LRIT3: variants seen among roughly 807,000 people sequenced by gnomAD.
LRIT3 encodes the protein leucine-rich repeat, immunoglobulin-like domain and transmembrane domain-containing protein 3.
In LRIT3, 14 loss-of-function variants were observed where a neutral mutation model predicts 22.6. The ratio of observed to expected loss-of-function variants is 0.62; its 90% CI spans 0.41 to 0.97. The LOEUF is 0.97. Among genes scored for constraint, LRIT3 ranks in the 50% least tolerant of loss-of-function variants. The pLI is 0.00. For missense variants in LRIT3, 783 were observed against 803.0 expected, an observed-to-expected ratio of 0.98 and a Z score of 0.30; for synonymous variants, 306 against 304.5, an observed-to-expected ratio of 1.01 and a Z score of -0.05.
At position 109,851,718 on chromosome 4, in the gene LRIT3, C is replaced by T. The variant is rs79039619; in HGVS notation, c.331C>T (p.Arg111Cys). 4.5e-4 allele frequency: 692 copies of T among 1,551,640 alleles called. 2 individuals are homozygous for T. In the African/African-American group the frequency reaches 8.3e-3, roughly 19 times the overall value. The change falls in exon 2 of 4, where the codon CGC becomes TGC. Residue 111 changes from arginine (R) to cysteine (C), a missense_variant. Arg to Cys is a radical substitution (Grantham distance 180). Around this residue, in one of 2 missense-constraint regions of LRIT3, gnomAD observed 756 missense variants for 753.8 expected, o/e 1.00. Transcript: ENST00000594814. ...CAACCTGAAGCAACTGCATGAGTTGCGCTTGGATGGGAATTCTCTGGCTGC... is the reference window on the plus strand; with the variant it reads ...CAACCTGAAGCAACTGCATGAGTTGTGCTTGGATGGGAATTCTCTGGCTGC... ...FYNLKQLHEL[R>C]LDGNSLAAFP...
chr4:109,852,932 G>C (rs1485846535), intron 2 of LRIT3, among the ~76,000 whole-genome samples: 1 of 152,070 alleles, frequency 6.6e-6, no homozygotes, highest in Non-Finnish European at 1.5e-5. Flanking sequence ...GCTTTTTATG[G>C]CTGCATAGTA....
chr4:109,868,550 TTA>T (rs1491461919), intron 3 of LRIT3, among the ~76,000 whole-genome samples: 1,121 of 73,154 alleles, frequency 0.015, 14 homozygotes, highest in African/African-American at 0.044. Context: ...TAAGACTGTC[TTA>T]AAAAAAAAAA....
intron 2 of LRIT3, among the ~76,000 whole-genome samples, chr4:109,863,929 T>C (rs752919623): frequency 6.6e-6 from 1 of 152,148 alleles, no homozygotes; most frequent in South Asian, 2.1e-4. Context: ...CTTTGCCACA[T>C]AGGAAGCAAT....
Position 109,870,191 on chromosome 4 carries a change from C to A in LRIT3, c.1442C>A (p.Thr481Lys). The A allele has an allele frequency of 6.2e-7, 1 of 1,614,180 alleles. No homozygotes were observed. The highest frequency in any genetic ancestry group is 8.5e-7 in the Non-Finnish European group (1 of 1,180,024). The change falls in exon 4 of 4, where the codon ACG becomes AAG. Residue 481 changes from threonine to lysine, a missense_variant. By Grantham distance (78) the Thr-to-Lys change is moderately conservative (BLOSUM62 -1). Around this residue, in one of 2 missense-constraint regions of LRIT3, gnomAD observed 756 missense variants for 753.8 expected, o/e 1.00. Transcript: ENST00000594814. ...GCATTGTTGGATCAAACAATGCTTACGGAGACAAATGCCGCAATAGAAAAC... is the reference window on the plus strand; with the variant it reads ...GCATTGTTGGATCAAACAATGCTTAAGGAGACAAATGCCGCAATAGAAAAC... ...ELALLDQTML[T>K]ETNAAIENLR...
intron 2 of LRIT3, among the ~76,000 whole-genome samples, chr4:109,852,959 T>G (rs1291221654): frequency 6.6e-6 from 1 of 152,248 alleles, no homozygotes; most frequent in African/African-American, 2.4e-5. Flanking sequence ...GGTGTGTACA[T>G]GGCACATTTT....
Position 109,851,504 on chromosome 4 carries a change from G to A in LRIT3, c.117G>A (p.Arg39=), listed in dbSNP as rs370774367. ...CACATTGTTCATGTTGTGACACTAG[G>A]TTGGTGCTATGTAATGACATGGATA... The part of the protein sequence containing the change: ...YHGRNDGSGS[R]LVLCNDMDMN... Residue 39 remains arginine, a splice_region_variant and synonymous_variant, in exon 2 of 4, where the codon AGG becomes AGA. Transcript: ENST00000594814. The A allele has an allele frequency of 2.9e-5, 44 of 1,527,398 alleles. No homozygotes were observed. In the African/African-American group the frequency reaches 4.8e-4, roughly 17 times the overall value. 94.6% of individuals were successfully genotyped at this position (1,527,398 alleles called of 1,614,324 possible).
chr4:109,853,269 G>A (rs112840597), intron 2 of LRIT3, among the ~76,000 whole-genome samples: 3 of 152,068 alleles, frequency 2.0e-5, no homozygotes, highest in South Asian at 2.1e-4. Flanking sequence ...TTTAATGATC[G>A]CCATTCTAAC....
At chr4:109,865,208 T>G (rs1249781328) in intron 2 of LRIT3, 36 of 1,498,530 alleles carry the variant, frequency 2.4e-5, no homozygotes, top group Non-Finnish European at 3.1e-5. Context: ...TCAGCAAGGT[T>G]GCATCACCCA....
intron 2 of LRIT3, among the ~76,000 whole-genome samples, chr4:109,867,382 C>T (rs532384336): frequency 2.4e-4 from 36 of 152,114 alleles, no homozygotes; most frequent in African/African-American, 8.2e-4. Flanking sequence ...CAGGTAAGTG[C>T]TTAGTACATA....
intron 2 of LRIT3, among the ~76,000 whole-genome samples, chr4:109,855,732 A>G (rs1022395314): frequency 6.6e-6 from 1 of 152,150 alleles, no homozygotes; most frequent in Non-Finnish European, 1.5e-5. Context: ...AGATTCTGGT[A>G]TGTTCTGTCT....
intron 2 of LRIT3, among the ~76,000 whole-genome samples, chr4:109,854,796 A>G (rs1422683130): frequency 6.6e-6 from 1 of 152,122 alleles, no homozygotes; most frequent in Non-Finnish European, 1.5e-5. Flanking sequence ...GTTGAATTTT[A>G]TAGAAGGCCT....
chr4:109,857,419 T>C (rs1469463985), intron 2 of LRIT3, among the ~76,000 whole-genome samples: 2 of 152,200 alleles, frequency 1.3e-5, no homozygotes, highest in African/African-American at 4.8e-5. Flanking sequence ...GAAATAGTAG[T>C]GTAAATCAAT....
Position 109,865,249 on chromosome 4 carries a change from A to C in LRIT3, c.590-2392A>C, listed in dbSNP as rs573083690. 1.3e-4 allele frequency: 197 copies of C among 1,571,962 alleles called. 5 individuals carry two copies. In the South Asian group the frequency reaches 1.9e-3, roughly 15 times the overall value. ...CAGAATTAACTAATGGTTGAGCCTC[A>C]TCAGGAACCCAGGCACAGTAAAGTT... is the stretch of plus-strand genomic sequence containing the variant. On this transcript the variant is annotated intron_variant, in intron 2 of 3. Coordinates refer to ENST00000594814, the MANE Select transcript of LRIT3 (RefSeq NM_198506.5).
chr4:109,864,960 A>G (rs957540297), intron 2 of LRIT3, among the ~76,000 whole-genome samples: 2 of 152,214 alleles, frequency 1.3e-5, no homozygotes, highest in African/African-American at 4.8e-5. Context: ...AGATCCACAG[A>G]TTATCTTTAG....
Position 109,860,408 on chromosome 4 carries a change from TGA to T in LRIT3, c.590-7231_590-7230del, listed in dbSNP as rs1242634557. Among the ~76,000 whole-genome samples the T allele has an allele frequency of 3.9e-5, 6 of 152,192 alleles. No homozygotes were observed. In the East Asian group the frequency reaches 1.2e-3, roughly 29 times the overall value. On this transcript the variant is annotated intron_variant, in intron 2 of 3. Coordinates refer to ENST00000594814, the MANE Select transcript of LRIT3 (RefSeq NM_198506.5). ...AGATGTGCCCCACCCTTTTTTGGTTTGAGGAAACAAATCCACATAGGTAAGGT... is the reference window on the plus strand; with the variant it reads ...AGATGTGCCCCACCCTTTTTTGGTTTGGAAACAAATCCACATAGGTAAGGT...
At chr4:109,855,650 C>T (rs542416935) in intron 2 of LRIT3, among the ~76,000 whole-genome samples, 1 of 152,296 alleles carries the variant, frequency 6.6e-6, no homozygotes. Flanking sequence ...AATTTTAGAT[C>T]TTTCCTGCTT....
In LRIT3 at chr4:109,851,709, C is replaced by A. The variant is rs1390388495; in HGVS notation, c.322C>A (p.His108Asn). ...PSSFYNLKQLHELRLDGNSLA... is the reference protein window; with the variant it reads ...PSSFYNLKQLNELRLDGNSLA... ...CAGCTTTTACAACCTGAAGCAACTG[C>A]ATGAGTTGCGCTTGGATGGGAATTC... Residue 108 changes from histidine (H) to asparagine (N), a missense_variant, in exon 2 of 4, where the codon CAT (histidine) becomes AAT (asparagine). His to Asn is a moderately conservative substitution (Grantham distance 68). Coordinates refer to ENST00000594814, the MANE Select transcript of LRIT3 (RefSeq NM_198506.5). 1 of 1,551,716 alleles carries A rather than the reference C, an allele frequency of 6.4e-7. No individual in the cohort carries two copies. Among genetic ancestry groups the A allele is most frequent in the Admixed American group, 2.0e-5 (1 of 51,002 alleles).
At chr4:109,849,381 C>T (rs1734153127) in intron 1 of LRIT3, among the ~76,000 whole-genome samples, 1 of 152,124 alleles carries the variant, frequency 6.6e-6, no homozygotes, top group Non-Finnish European at 1.5e-5. Context: ...TTTGTGGTGA[C>T]CCCATTATTG....
At position 109,871,838 on chromosome 4, in the gene LRIT3, A is replaced by T. The variant is rs903374638; in HGVS notation, c.*1049A>T. 6.6e-6 allele frequency: 1 copy of T among 152,222 alleles called. No individual in the cohort carries two copies. The highest frequency in any genetic ancestry group is 2.4e-5 in the African/African-American group (1 of 41,462). 9.4% of individuals were successfully genotyped at this position (152,222 alleles called of 1,614,324 possible). On this transcript the variant is annotated 3_prime_UTR_variant, in exon 4 of 4. Transcript: ENST00000594814. ...TAGGTTAAAAACATCGGGGAACTTA[A>T]ATACATAGGAAAGGAGTTCACAAAT...
Sources: gnomAD v4.1 joint callset for allele counts (sites outside exome capture counted in the v4.1 genomes callset) on GRCh38, gnomAD v4.1.1 for gene constraint, gnomAD v4.1.1 regional missense constraint, MANE v1.5 for transcripts, NCBI Gene and HGNC (gene_info 2026-07-23, HGNC 2026-07-21) for gene names.